The following BRINP3 variants were observed in gnomAD, a reference collection of about 807,000 sequenced individuals.
BRINP3 encodes BMP/retinoic acid inducible neural specific 3, also known as BMP/retinoic acid-inducible neural-specific protein 3.
BRINP3 carries 19 observed loss-of-function variants against 71.0 expected under a neutral mutation model. That is an observed-to-expected ratio of 0.27 (90% CI 0.19 to 0.39). The LOEUF (loss-of-function observed/expected upper bound fraction) is 0.39, where lower values mean the gene tolerates loss of function less well. Among genes scored for constraint, BRINP3 ranks in the 10% least tolerant of loss-of-function variants. The pLI, the probability that BRINP3 is intolerant of heterozygous loss-of-function variation, is 1.00. For synonymous variants in BRINP3, 380 were observed against 337.7 expected (o/e 1.13, Z -1.37); for missense variants, 959 against 940.8 (o/e 1.02, Z -0.25).
chr1:190,160,612 A>C (rs1362340090), intron 7 of BRINP3, 56 bp downstream of exon 7: 3 of 1,457,076 alleles, frequency 2.1e-6, no homozygotes, highest in African/African-American at 2.8e-5. Context: ...AAAAATAAAT[A>C]GAACTCACTT....
chr1:190,342,799 A>G (rs533590444), intron 2 of BRINP3: 7 of 151,862 alleles, frequency 4.6e-5, no homozygotes, highest in African/African-American at 1.7e-4. Flanking sequence ...AACTACATGT[A>G]CATTTTTAGG....
intron 2 of BRINP3, among the ~76,000 whole-genome samples, chr1:190,378,010 A>T (rs1670290088): frequency 6.6e-6 from 1 of 151,586 alleles, no homozygotes; most frequent in Admixed American, 6.6e-5. Flanking sequence ...TTTTGCAAAC[A>T]TATGAAAACT....
intron 2 of BRINP3, among the ~76,000 whole-genome samples, chr1:190,373,250 C>T (rs559319772): frequency 2.2e-4 from 33 of 151,832 alleles, no homozygotes; most frequent in East Asian, 1.4e-3. Context: ...ATTAGCCAGG[C>T]GTGGTGGTGC....
chr1:190,101,694 T>G (rs1040831415), intron 7 of BRINP3, among the ~76,000 whole-genome samples: 3 of 152,182 alleles, frequency 2.0e-5, no homozygotes, highest in African/African-American at 7.2e-5. Flanking sequence ...AATTATATTT[T>G]CTTCCCTGAA....
intron 2 of BRINP3, among the ~76,000 whole-genome samples, chr1:190,438,928 G>T (rs1674641388): frequency 6.6e-6 from 1 of 151,894 alleles, no homozygotes; most frequent in Non-Finnish European, 1.5e-5. Context: ...TCAGACCCCA[G>T]AAAGATATTC....
intron 7 of BRINP3, among the ~76,000 whole-genome samples, chr1:190,109,954 A>T (rs1377873679): frequency 1.3e-5 from 2 of 152,160 alleles, no homozygotes; most frequent in South Asian, 2.1e-4. Flanking sequence ...CAACTGTGGG[A>T]CTTTTCAGCC....
intron 1 of BRINP3, among the ~76,000 whole-genome samples, chr1:190,470,735 GAA>G: frequency 6.6e-6 from 1 of 150,768 alleles, no homozygotes; most frequent in Non-Finnish European, 1.5e-5. Context: ...AATCATGGTT[GAA>G]TATAAACATT....
At chr1:190,294,406 T>G (rs548521426) in intron 2 of BRINP3, among the ~76,000 whole-genome samples, 5 of 151,970 alleles carry the variant, frequency 3.3e-5, no homozygotes, top group African/African-American at 1.2e-4. Context: ...ACTCCAGGCA[T>G]GTGTTACCAT....
intron 2 of BRINP3, among the ~76,000 whole-genome samples, chr1:190,315,352 C>T (rs73058719): frequency 0.018 from 2,666 of 152,056 alleles, 88 homozygotes; most frequent in African/African-American, 0.061. Flanking sequence ...GGAGGAAATT[C>T]GACCTAGTGG....
At chr1:190,203,567 C>T (rs1655202797) in intron 6 of BRINP3, among the ~76,000 whole-genome samples, 1 of 148,664 alleles carries the variant, frequency 6.7e-6, no homozygotes, top group Non-Finnish European at 1.5e-5. Flanking sequence ...TTTCACATAC[C>T]TTCTAGAATG....
intron 2 of BRINP3, among the ~76,000 whole-genome samples, chr1:190,322,512 G>A (rs1047481095): frequency 6.6e-5 from 10 of 151,996 alleles, no homozygotes; most frequent in Non-Finnish European, 1.0e-4. Flanking sequence ...CAGACCTGAA[G>A]AAAAAGTGCG....
chr1:190,432,795 T>C (rs1450445455), intron 2 of BRINP3, among the ~76,000 whole-genome samples: 1 of 152,172 alleles, frequency 6.6e-6, no homozygotes, highest in African/African-American at 2.4e-5. Context: ...CTGGTACAGT[T>C]TAGGATTAAC....
At chr1:190,273,126 C>T (rs907774980) in intron 3 of BRINP3, among the ~76,000 whole-genome samples, 4 of 150,300 alleles carry the variant, frequency 2.7e-5, no homozygotes, top group South Asian at 2.1e-4. Flanking sequence ...GAGAATTTTA[C>T]GACCTGAGAA....
intron 2 of BRINP3, among the ~76,000 whole-genome samples, chr1:190,409,899 G>A (rs1171027): frequency 0.36 from 55,236 of 151,840 alleles, 11,106 homozygotes; most frequent in Admixed American, 0.48. Flanking sequence ...GGCAGAGAGA[G>A]GACAAAATCA....
At chr1:190,235,848 T>C (rs1486595993) in intron 4 of BRINP3, among the ~76,000 whole-genome samples, 1 of 152,022 alleles carries the variant, frequency 6.6e-6, no homozygotes, top group Non-Finnish European at 1.5e-5. Flanking sequence ...ACAGTAGATA[T>C]CAGCTTATAA....
At chr1:190,217,172 G>A (rs1336887729) in intron 6 of BRINP3, 1 of 151,870 alleles carries the variant, frequency 6.6e-6, no homozygotes, top group Non-Finnish European at 1.5e-5. Flanking sequence ...TAATTCCAAA[G>A]CTTTCCCAAC....
At chr1:190,441,694 G>A (rs1674832772) in intron 2 of BRINP3, among the ~76,000 whole-genome samples, 1 of 151,994 alleles carries the variant, frequency 6.6e-6, no homozygotes, top group South Asian at 2.1e-4. Flanking sequence ...TTCTCAAATA[G>A]GTCAAATATG....
intron 2 of BRINP3, among the ~76,000 whole-genome samples, chr1:190,408,083 A>G (rs1483599319): frequency 2.1e-4 from 26 of 125,366 alleles, no homozygotes; most frequent in Admixed American, 1.1e-4. Context: ...GTGCAGTGGC[A>G]CGATCTCGGC....
intron 2 of BRINP3, among the ~76,000 whole-genome samples, chr1:190,403,816 C>A (rs1039544268): frequency 4.6e-5 from 7 of 152,220 alleles, no homozygotes; most frequent in Admixed American, 2.0e-4. Flanking sequence ...CATCACTACA[C>A]ACACACTGAT....
Sources: allele counts gnomAD v4.1 joint callset (sites outside exome capture counted in the v4.1 genomes callset), GRCh38; gene constraint gnomAD v4.1.1; transcripts MANE v1.5; gene names NCBI Gene and HGNC (gene_info 2026-07-23, HGNC 2026-07-21).